The following SHC4 variants were observed in gnomAD, a reference collection of about 807,000 sequenced individuals.
SHC4 encodes the protein SHC adaptor protein 4, also known as SHC-transforming protein 4.
A neutral mutation model predicts 69.4 loss-of-function variants in SHC4; 41 were observed. That is an observed-to-expected ratio of 0.59 (90% CI 0.46 to 0.77). SHC4 has a LOEUF of 0.77. SHC4 is among the 30% of genes least tolerant of loss of function. The pLI, the probability that SHC4 is intolerant of heterozygous loss-of-function variation, is 0.00. For missense variants in SHC4, 777 were observed against 783.8 expected (o/e 0.99, Z 0.10); for synonymous variants, 318 against 299.3 (o/e 1.06, Z -0.64).
At position 48,825,738 on chromosome 15, in the gene SHC4, C is replaced by T. The variant is rs1294065865; in HGVS notation, c.*233G>A. 2.1e-6 allele frequency: 1 copy of T among 468,110 alleles called. No homozygotes were observed. Among genetic ancestry groups the T allele is most frequent in the Non-Finnish European group, 3.7e-6 (1 of 268,878 alleles). The allele number at this position is 468,110 out of a possible 1,614,324, so 29.0% of individuals were successfully genotyped here. On this transcript the variant is annotated 3_prime_UTR_variant, in exon 12 of 12. Coordinates refer to ENST00000332408, the MANE Select transcript of SHC4 (RefSeq NM_203349.4). ...CCTTAAAAAGTGACATCCGTGCATA[C>T]ATATAATTTCTTTTAAAATGACCAA... is the stretch of plus-strand genomic sequence containing the variant.
chr15:48,915,412 A>G (rs185634175), intron 2 of SHC4, among the ~76,000 whole-genome samples: 3 of 152,330 alleles, frequency 2.0e-5, no homozygotes, highest in African/African-American at 7.2e-5. Flanking sequence ...AATTATCTCA[A>G]GTATCTGAAA....
intron 2 of SHC4, among the ~76,000 whole-genome samples, chr15:48,900,820 G>A (rs185649618): frequency 1.5e-4 from 23 of 152,224 alleles, no homozygotes; most frequent in Non-Finnish European, 2.5e-4. Flanking sequence ...AATTGGTGCC[G>A]GACAGGGCTT....
chr15:48,874,343 G>C (rs1899752150), intron 4 of SHC4, among the ~76,000 whole-genome samples: 1 of 152,152 alleles, frequency 6.6e-6, no homozygotes, highest in Non-Finnish European at 1.5e-5. Context: ...AGAAGAACTA[G>C]AGCAGGGGCT....
intron 11 of SHC4, among the ~76,000 whole-genome samples, chr15:48,834,440 A>G (rs1898862511): frequency 6.6e-6 from 1 of 152,224 alleles, no homozygotes; most frequent in Non-Finnish European, 1.5e-5. Flanking sequence ...TTAAATTATC[A>G]GCACTCTGAG....
At chr15:48,858,672 T>C (rs1240723024) in intron 6 of SHC4, among the ~76,000 whole-genome samples, 1 of 152,194 alleles carries the variant, frequency 6.6e-6, no homozygotes, top group Non-Finnish European at 1.5e-5. Context: ...TTGGTTAGAA[T>C]ATGGCCTTGC....
chr15:48,944,176 C>T (rs1307332906), intron 1 of SHC4, among the ~76,000 whole-genome samples: 1 of 152,170 alleles, frequency 6.6e-6, no homozygotes, highest in Non-Finnish European at 1.5e-5. Context: ...CTGTGTGCAA[C>T]ACCATGTGGT....
intron 3 of SHC4, among the ~76,000 whole-genome samples, chr15:48,889,227 A>G (rs1900090432): frequency 6.6e-6 from 1 of 152,250 alleles, no homozygotes; most frequent in African/African-American, 2.4e-5. Context: ...GTTAGAGATT[A>G]CTTTGGAACC....
chr15:48,858,167 C>A (rs1431655645), intron 6 of SHC4, among the ~76,000 whole-genome samples: 2 of 152,130 alleles, frequency 1.3e-5, no homozygotes, highest in Non-Finnish European at 2.9e-5. Flanking sequence ...GGGCACTAAT[C>A]TACACAGAAG....
intron 1 of SHC4, among the ~76,000 whole-genome samples, chr15:48,948,392 C>T (rs971866554): frequency 3.3e-5 from 5 of 152,220 alleles, no homozygotes; most frequent in Non-Finnish European, 5.9e-5. Context: ...GAATTGTTAA[C>T]ACAAACTTCA....
rs766625427 is a variant in SHC4 at position 48,924,780 on chromosome 15, G to A, written c.656+99C>T. ...ACACTCCAGTCGCGTGAATAAAAGT[G>A]CATAATGAATTGGAAGGTTTGCATA... On this transcript the variant is annotated intron_variant, in intron 2 of 11. Coordinates refer to ENST00000332408, the MANE Select transcript of SHC4 (RefSeq NM_203349.4). The A allele has an allele frequency of 3.2e-6, 4 of 1,257,354 alleles. No homozygotes were observed. In the Admixed American group the frequency reaches 5.2e-5, roughly 16 times the overall value. The allele number at this position is 1,257,354 out of a possible 1,614,324, so 77.9% of individuals were successfully genotyped here.
intron 1 of SHC4, among the ~76,000 whole-genome samples, chr15:48,927,531 C>T (rs1595760545): frequency 1.3e-5 from 2 of 152,188 alleles, no homozygotes; most frequent in Admixed American, 6.5e-5. Context: ...TATATCAGAT[C>T]GTGTTCCTCC....
intron 2 of SHC4, among the ~76,000 whole-genome samples, chr15:48,895,092 A>C (rs1463213374): frequency 1.3e-5 from 2 of 152,148 alleles, no homozygotes; most frequent in Non-Finnish European, 2.9e-5. Flanking sequence ...GGTGTGAGCC[A>C]CAGCTCCTGG....
chr15:48,837,868 C>A (rs1338527598), intron 10 of SHC4, among the ~76,000 whole-genome samples: 1 of 152,164 alleles, frequency 6.6e-6, no homozygotes, highest in East Asian at 1.9e-4. Context: ...AGAAAAAAAT[C>A]TAACACGCAA....
chr15:48,857,351 T>C (rs1286430975), intron 7 of SHC4, among the ~76,000 whole-genome samples: 1 of 152,048 alleles, frequency 6.6e-6, no homozygotes, highest in East Asian at 1.9e-4. Context: ...TTGAAACAAA[T>C]CTGAGAAGTT....
At position 48,852,109 on chromosome 15, in the gene SHC4, A is replaced by G. The variant is rs1899225112; in HGVS notation, c.1243-861T>C. On this transcript the variant is annotated intron_variant, in intron 8 of 11. Transcript: ENST00000332408. ...AGTCAGGGAGAAAATGCTGAGTTCA[A>G]CCTTGATATAGATAAGCAATGTAGT... Among the ~76,000 whole-genome samples, 4 of 152,300 alleles carry G rather than the reference A, an allele frequency of 2.6e-5. No individual in the cohort carries two copies. In the South Asian group the frequency reaches 8.3e-4, roughly 32 times the overall value.
intron 4 of SHC4, among the ~76,000 whole-genome samples, chr15:48,881,561 T>C (rs1225609329): frequency 6.6e-6 from 1 of 152,152 alleles, no homozygotes; most frequent in Non-Finnish European, 1.5e-5. Flanking sequence ...ATATCTCAAG[T>C]TGCCTCTCCT....
intron 3 of SHC4, among the ~76,000 whole-genome samples, chr15:48,889,557 C>T (rs1279439753): frequency 1.3e-5 from 2 of 152,172 alleles, no homozygotes; most frequent in African/African-American, 2.4e-5. Flanking sequence ...TTAAAAAACC[C>T]TTCTCCGCCG....
chr15:48,936,118 A>G (rs1451371580), intron 1 of SHC4, among the ~76,000 whole-genome samples: 1 of 152,068 alleles, frequency 6.6e-6, no homozygotes, highest in Non-Finnish European at 1.5e-5. Flanking sequence ...AACATAGTAG[A>G]CCCTCCAAAT....
rs768069155 is a variant in SHC4, at chr15:48,962,792, G to C, written c.224C>G (p.Pro75Arg). 42 of 1,612,308 alleles carry C rather than the reference G, an allele frequency of 2.6e-5. No homozygotes were observed. The highest frequency in any genetic ancestry group is 1.6e-4 in the Middle Eastern group (1 of 6,082). Residue 75 changes from proline to arginine, a missense_variant, in exon 1 of 12, where the codon CCG (proline) becomes CGG (arginine). Coordinates refer to ENST00000332408, the MANE Select transcript of SHC4 (RefSeq NM_203349.4). ...CAGTGGGGTGGGGCTCTCCTGCGAC[G>C]GCAAGGTGGCATCTTCAGTCGGCAG... ...PHLPTEDATL[P>R]SQESPTPLCT...
Sources: allele counts gnomAD v4.1 joint callset (sites outside exome capture counted in the v4.1 genomes callset), GRCh38; gene constraint gnomAD v4.1.1; transcripts MANE v1.5; gene names NCBI Gene and HGNC (gene_info 2026-07-23, HGNC 2026-07-21).